The following CTNNA3 variants were observed in gnomAD, a reference collection of about 807,000 sequenced individuals.
CTNNA3 encodes the protein catenin alpha 3, also known as catenin alpha-3.
CTNNA3 carries 76 observed loss-of-function variants against 95.7 expected under a neutral mutation model. The observed-to-expected ratio is 0.79, with a 90% CI of 0.66 to 0.96. CTNNA3 has a LOEUF of 0.96. CTNNA3 is among the 40% of genes least tolerant of loss of function. CTNNA3 has a pLI of 0.00. For synonymous variants in CTNNA3, 431 were observed against 374.4 expected (o/e 1.15, Z -1.74); for missense variants, 1,191 against 1,089.8 (o/e 1.09, Z -1.31).
chr10:67,698,006 T>C (rs1841000262), upstream of CTNNA3, among the ~76,000 whole-genome samples: 1 of 152,246 alleles, frequency 6.6e-6, no homozygotes, highest in South Asian at 2.1e-4. Context: ...GTGTGATCGC[T>C]GAGGCATGCT....
chr10:66,078,478 A>C (rs1285588228), intron 14 of CTNNA3, among the ~76,000 whole-genome samples: 3 of 151,930 alleles, frequency 2.0e-5, no homozygotes, highest in Non-Finnish European at 2.9e-5. Context: ...AATTCTGACC[A>C]GTCAAGAAAA....
At chr10:66,428,364 G>T (rs2093262583) in intron 11 of CTNNA3, among the ~76,000 whole-genome samples, 1 of 152,026 alleles carries the variant, frequency 6.6e-6, no homozygotes, top group Non-Finnish European at 1.5e-5. Flanking sequence ...AGTTAACAAG[G>T]ATATCCAGGA....
intron 5 of CTNNA3, among the ~76,000 whole-genome samples, chr10:67,439,014 T>C (rs1295972829): frequency 6.6e-6 from 1 of 152,142 alleles, no homozygotes; most frequent in African/African-American, 2.4e-5. Context: ...CTCCTACTGC[T>C]GAGCTTAGAG....
intron 7 of CTNNA3, among the ~76,000 whole-genome samples, chr10:67,042,523 G>C (rs953296991): frequency 4.0e-4 from 61 of 152,068 alleles, no homozygotes; most frequent in African/African-American, 1.4e-3. Flanking sequence ...AAGACATAGA[G>C]TGTGGCAGTG....
chr10:67,196,071 C>CTA (rs1303580699), intron 6 of CTNNA3, among the ~76,000 whole-genome samples: 1 of 151,984 alleles, frequency 6.6e-6, no homozygotes, highest in Non-Finnish European at 1.5e-5. Flanking sequence ...TCTCAAGCAA[C>CTA]TATATTATCA....
intron 11 of CTNNA3, among the ~76,000 whole-genome samples, chr10:66,397,795 A>T (rs947697096): frequency 6.6e-6 from 1 of 151,888 alleles, no homozygotes; most frequent in Non-Finnish European, 1.5e-5. Flanking sequence ...ACATCATTGC[A>T]TTATGTACCG....
chr10:66,113,953 A>G (rs1371319033), intron 13 of CTNNA3, among the ~76,000 whole-genome samples: 3 of 152,116 alleles, frequency 2.0e-5, no homozygotes, highest in African/African-American at 7.2e-5. Context: ...GAAACCATGC[A>G]ATAATAATAA....
At chr10:67,108,594 T>C (rs1157317605) in intron 7 of CTNNA3, among the ~76,000 whole-genome samples, 1 of 152,182 alleles carries the variant, frequency 6.6e-6, no homozygotes, top group Non-Finnish European at 1.5e-5. Flanking sequence ...AAATGAAGTC[T>C]GTACATGATG....
chr10:66,201,753 C>T (rs1589716582), intron 13 of CTNNA3, among the ~76,000 whole-genome samples: 1 of 143,114 alleles, frequency 7.0e-6, no homozygotes, highest in Non-Finnish European at 1.5e-5. Flanking sequence ...TGTTTATACT[C>T]ATTTGATTGT....
At chr10:66,772,154 G>C (rs965201181) in intron 8 of CTNNA3, among the ~76,000 whole-genome samples, 1 of 152,108 alleles carries the variant, frequency 6.6e-6, no homozygotes, top group Non-Finnish European at 1.5e-5. Context: ...GGCCAGGCCT[G>C]GTGGCTCACA....
intron 8 of CTNNA3, among the ~76,000 whole-genome samples, chr10:66,767,749 A>G (rs919639181): frequency 6.6e-5 from 10 of 152,192 alleles, no homozygotes; most frequent in Non-Finnish European, 1.5e-4. Flanking sequence ...TGTCTTCTAT[A>G]ATGATCATAG....
chr10:67,136,164 T>C (rs144296288), intron 7 of CTNNA3, among the ~76,000 whole-genome samples: 1 of 152,110 alleles, frequency 6.6e-6, no homozygotes, highest in Non-Finnish European at 1.5e-5. Flanking sequence ...CTGGGTTTTT[T>C]TGTTTGGTTG....
chr10:66,059,584 T>C (rs1004446309), intron 15 of CTNNA3, among the ~76,000 whole-genome samples: 7 of 152,168 alleles, frequency 4.6e-5, no homozygotes, highest in African/African-American at 1.7e-4. Context: ...TCTGCTTTGC[T>C]GCCCATCTCC....
At chr10:65,985,091 T>A (rs2078401055) in intron 16 of CTNNA3, among the ~76,000 whole-genome samples, 1 of 151,226 alleles carries the variant, frequency 6.6e-6, no homozygotes, top group Admixed American at 6.6e-5. Context: ...ATAATTAGTC[T>A]TTATTTGTTT....
rs548718444 is a variant in CTNNA3, at chr10:66,066,520, A to C, written c.2159+2788T>G. Among the ~76,000 whole-genome samples, 21 of 152,306 alleles carry C rather than the reference A, an allele frequency of 1.4e-4. No individual in the cohort carries two copies. In the East Asian group the frequency reaches 3.9e-3, roughly 28 times the overall value. On this transcript the variant is annotated intron_variant, in intron 15 of 17. Transcript: ENST00000433211. ...CCTGCAGAAATTGAACCATGGGCCA[A>C]AACTGAATTACTTTCTATATGAAGA...
intron 5 of CTNNA3, among the ~76,000 whole-genome samples, chr10:67,416,607 CA>C (rs368513767): frequency 0.11 from 4,328 of 38,296 alleles, 49 homozygotes; most frequent in East Asian, 0.29. Flanking sequence ...GACTCTGTCT[CA>C]AAAAAAAAAA....
At chr10:66,306,763 A>G (rs1646033262) in intron 12 of CTNNA3, among the ~76,000 whole-genome samples, 1 of 152,204 alleles carries the variant, frequency 6.6e-6, no homozygotes, top group Admixed American at 6.5e-5. Context: ...ATTATAGTGG[A>G]GTTAAGAAAA....
Position 67,184,478 on chromosome 10 carries a change from C to G in CTNNA3, c.844-3958G>C, listed in dbSNP as rs1007835093. 2.0e-5 allele frequency among the ~76,000 whole-genome samples: 3 copies of G among 152,308 alleles called. No individual in the cohort carries two copies. The East Asian group carries it at 5.8e-4, about 29-fold the overall frequency. On this transcript the variant is annotated intron_variant, in intron 6 of 17. Transcript: ENST00000433211. ...CCGGAGCAACATTTTTGACACTCATCAAGTAGAAAGTTGGCTCAACTTTAA... is the reference window on the plus strand; with the variant it reads ...CCGGAGCAACATTTTTGACACTCATGAAGTAGAAAGTTGGCTCAACTTTAA...
At chr10:67,145,725 G>A (rs559943641) in intron 7 of CTNNA3, among the ~76,000 whole-genome samples, 67 of 151,924 alleles carry the variant, frequency 4.4e-4, no homozygotes, top group African/African-American at 1.4e-3. Flanking sequence ...CACTGCGCCC[G>A]GCCTGATATT....
Sources: allele counts gnomAD v4.1 joint callset (sites outside exome capture counted in the v4.1 genomes callset), GRCh38; gene constraint gnomAD v4.1.1; transcripts MANE v1.5; gene names NCBI Gene and HGNC (gene_info 2026-07-23, HGNC 2026-07-21).